POM121: variants seen among roughly 807,000 people sequenced by gnomAD.
POM121 encodes nuclear envelope pore membrane protein POM 121.
POM121 carries 32 observed loss-of-function variants against 81.3 expected under a neutral mutation model. That is an observed-to-expected ratio of 0.39 (90% CI 0.30 to 0.53). POM121 has a LOEUF of 0.53. Among genes scored for constraint, POM121 ranks in the 20% least tolerant of loss-of-function variants. The pLI is 0.66. For missense variants in POM121, 1,138 were observed against 1,614.6 expected, an observed-to-expected ratio of 0.70 and a Z score of 5.06; for synonymous variants, 514 against 694.2, an observed-to-expected ratio of 0.74 and a Z score of 4.08.
upstream of POM121, among the ~76,000 whole-genome samples, chr7:72,921,340 G>A (rs782148593): frequency 9.9e-5 from 15 of 152,104 alleles, no homozygotes; most frequent in Admixed American, 1.3e-4. Flanking sequence ...GCCTTCAGCC[G>A]TGGGTTTGTT....
chr7:72,901,386 G>A (rs1214414142), intron 3 of POM121, among the ~76,000 whole-genome samples: 1 of 148,528 alleles, frequency 6.7e-6, no homozygotes, highest in Non-Finnish European at 1.5e-5. Context: ...ACAGAGTCTT[G>A]CTCTGTGGCC....
rs201504420 is a variant in POM121 at position 72,928,473 on chromosome 7, G to C, written c.1103+8G>C. On this transcript the variant is annotated splice_region_variant and intron_variant, in intron 4 of 12. Transcript: ENST00000434423. ...CGCTTCTTTTGTGCCTAAGTAAGTG[G>C]GAGTCCATCCGGATGAAATACCAAC... 5.5e-4 allele frequency: 883 copies of C among 1,612,846 alleles called. 16 individuals carry two copies. In the Admixed American group the frequency reaches 0.011, roughly 21 times the overall value.
At chr7:72,924,967 A>G, upstream of POM121, 2 of 1,256,458 alleles carry the variant, frequency 1.6e-6, no homozygotes, top group African/African-American at 1.6e-5. Context: ...CGTTAAAGGC[A>G]GGCGGCATTT....
intron 1 of POM121, 85 bp downstream of exon 1, chr7:72,925,850 TTCA>T: frequency 1.6e-6 from 2 of 1,237,118 alleles, no homozygotes; most frequent in Non-Finnish European, 2.1e-6. Flanking sequence ...GATTTGCTTT[TTCA>T]TCAAGTCCCA....
At chr7:72,897,092 C>T (rs1421145495) in intron 3 of POM121, among the ~76,000 whole-genome samples, 2 of 151,956 alleles carry the variant, frequency 1.3e-5, no homozygotes, top group Non-Finnish European at 2.9e-5. Context: ...TCTAAGGTTG[C>T]AGTGAGCCGA....
chr7:72,902,857 C>G (rs1372965580), intron 3 of POM121, among the ~76,000 whole-genome samples: 7 of 152,106 alleles, frequency 4.6e-5, no homozygotes, highest in Non-Finnish European at 1.0e-4. Flanking sequence ...ATTTCTGTAT[C>G]GATGTTCTGC....
chr7:72,921,188 A>C (rs1383506487), upstream of POM121, among the ~76,000 whole-genome samples: 3 of 152,196 alleles, frequency 2.0e-5, no homozygotes, highest in Non-Finnish European at 4.4e-5. Context: ...ATCTCAAAAA[A>C]TAAAAATCAG....
chr7:72,907,207 C>T (rs1554493572), intron 3 of POM121, among the ~76,000 whole-genome samples: 2 of 152,070 alleles, frequency 1.3e-5, no homozygotes, highest in African/African-American at 4.8e-5. Flanking sequence ...TTATATTATA[C>T]ATACTTATGA....
intron 3 of POM121, among the ~76,000 whole-genome samples, chr7:72,907,039 C>T (rs1222906999): frequency 6.6e-6 from 1 of 152,002 alleles, no homozygotes; most frequent in Non-Finnish European, 1.5e-5. Context: ...AAGTTGTTCC[C>T]TCTGGGTTTT....
At position 72,925,658 on chromosome 7, in the gene POM121, C is replaced by T; in HGVS notation, c.537C>T (p.Ser179=). The stretch of plus-strand genomic sequence containing the variant: ...CGCCGCGCTCCCCACCGCCGCGCTC[C>T]CCACCGCCGCGCTCCCCCCCGCCCT... ...RPAPRSPPPR[S]PPPRSPPPSP... is the part of the protein sequence containing the mutation. Residue 179 remains serine (S), a synonymous_variant, in exon 1 of 13, where the codon TCC becomes TCT. Transcript: ENST00000434423. 1 of 1,188,716 alleles carries T rather than the reference C, an allele frequency of 8.4e-7. No individual in the cohort carries two copies. The highest frequency in any genetic ancestry group is 1.0e-6 in the Non-Finnish European group (1 of 960,422). The allele number at this position is 1,188,716 out of a possible 1,614,324, so 73.6% of individuals were successfully genotyped here.
Position 72,948,220 on chromosome 7 carries a change from T to C in POM121, c.*1986T>C, listed in dbSNP as rs1554503759. 4.1e-6 allele frequency: 6 copies of C among 1,446,154 alleles called. No individual in the cohort carries two copies. Among genetic ancestry groups the C allele is most frequent in the Non-Finnish European group, 5.4e-6 (6 of 1,104,340 alleles). 89.6% of individuals were successfully genotyped at this position (1,446,154 alleles called of 1,614,324 possible). The stretch of plus-strand genomic sequence containing the variant: ...AAATAGAGACTTCATTCCTGTTGAG[T>C]CTAGTTGGAATTTTTAGTATGAATG... On this transcript the variant is annotated 3_prime_UTR_variant, in exon 13 of 13. Transcript: ENST00000434423.
chr7:72,938,661 G>T lies in POM121; in HGVS notation c.1347G>T (p.Glu449Asp). ...SPASSRSQTP[E>D]RPAKKIREEE... ...CCTCCTCCCGCTCCCAGACACCGGA[G>T]AGGCCAGCAAAGAAAATAAGGTACT... The change falls in exon 6 of 13, where the codon GAG becomes GAT. Residue 449 changes from glutamate (E) to aspartate (D), a missense_variant. This residue lies in a region of POM121 where 646 missense variants were observed against 633.5 expected (regional missense o/e 1.02). Coordinates refer to ENST00000434423, the MANE Select transcript of POM121 (RefSeq NM_001387691.1). The T allele has an allele frequency of 2.5e-6, 4 of 1,613,852 alleles. No individual in the cohort carries two copies. Among genetic ancestry groups the T allele is most frequent in the Non-Finnish European group, 3.4e-6 (4 of 1,179,772 alleles).
At chr7:72,925,867 G>T in intron 1 of POM121, 102 bp downstream of exon 1, 1 of 1,254,746 alleles carries the variant, frequency 8.0e-7, no homozygotes, top group Non-Finnish European at 1.0e-6. Flanking sequence ...AGTCCCAAGG[G>T]GATTGTGTGT....
chr7:72,949,421 C>G, downstream of POM121: 1 of 1,503,844 alleles, frequency 6.6e-7, no homozygotes, highest in Non-Finnish European at 9.3e-7. Flanking sequence ...CAGCAGGAGA[C>G]GCCAGCCCAG....
At chr7:72,921,069 C>T (rs116469233), upstream of POM121, among the ~76,000 whole-genome samples, 880 of 152,218 alleles carry the variant, frequency 5.8e-3, 10 homozygotes, top group African/African-American at 0.021. Flanking sequence ...GTAATACCAG[C>T]TACTCTGCTG....
chr7:72,884,176 G>A (rs1368879931), intron 1 of POM121, among the ~76,000 whole-genome samples: 1 of 152,142 alleles, frequency 6.6e-6, no homozygotes, highest in Non-Finnish European at 1.5e-5. Context: ...TGGGATTATA[G>A]GCATGAGCCA....
chr7:72,943,357 A>T lies in POM121; in HGVS notation c.3364A>T (p.Thr1122Ser). Residue 1122 changes from threonine (T) to serine (S), a missense_variant, in exon 11 of 13, where the codon ACC becomes TCC. Physicochemically the swap from Thr to Ser is moderately conservative, Grantham distance 58. Around this residue, in one of 7 missense-constraint regions of POM121, gnomAD observed 336 missense variants for 344.3 expected, o/e 0.98. Coordinates refer to ENST00000434423, the MANE Select transcript of POM121 (RefSeq NM_001387691.1). ...GINVATPGSS[T>S]TTGAFSFGAG... Reference sequence around the variant, plus strand: ...CAATGTGGCCACCCCAGGCTCCAGCACCACCACCGGAGCTTTCAGCTTTGG... The same window carrying T: ...CAATGTGGCCACCCCAGGCTCCAGCTCCACCACCGGAGCTTTCAGCTTTGG... 3 of 1,610,186 alleles carry T rather than the reference A, an allele frequency of 1.9e-6. No individual in the cohort carries two copies. Among genetic ancestry groups the T allele is most frequent in the Non-Finnish European group, 2.5e-6 (3 of 1,178,794 alleles).
chr7:72,937,253 C>CA (rs1378659581), intron 5 of POM121, among the ~76,000 whole-genome samples: 131 of 130,212 alleles, frequency 1.0e-3, no homozygotes, highest in Admixed American at 1.7e-3. Context: ...GGCTCCGTCT[C>CA]AAAAAAAAAA....
At chr7:72,881,616 G>A (rs1167437416) in intron 1 of POM121, among the ~76,000 whole-genome samples, 2 of 151,878 alleles carry the variant, frequency 1.3e-5, no homozygotes, top group African/African-American at 2.4e-5. Flanking sequence ...TAAGAGGTTT[G>A]TAAGGATTCA....
Sources: gnomAD v4.1 joint callset for allele counts (sites outside exome capture counted in the v4.1 genomes callset) on GRCh38, gnomAD v4.1.1 for gene constraint, gnomAD v4.1.1 regional missense constraint, MANE v1.5 for transcripts, NCBI Gene and HGNC (gene_info 2026-07-23, HGNC 2026-07-21) for gene names.